Variants in PTPRZ1 observed in about 807,000 individuals in gnomAD.
PTPRZ1 encodes the protein receptor-type tyrosine-protein phosphatase zeta.
In PTPRZ1, 82 loss-of-function variants were observed where a neutral mutation model predicts 214.1. The observed-to-expected ratio is 0.38, with a 90% CI of 0.32 to 0.46. PTPRZ1 has a LOEUF of 0.46. Among genes scored for constraint, PTPRZ1 ranks in the 20% least tolerant of loss-of-function variants. PTPRZ1 has a pLI of 1.00. For missense variants in PTPRZ1, 2,603 were observed against 2,748.7 expected (o/e 0.95, Z 1.19); for synonymous variants, 945 against 987.9 (o/e 0.96, Z 0.81).
chr7:121,899,970 A>G lies in PTPRZ1; in HGVS notation c.58+26413A>G, dbSNP rs553044330. Reference sequence around the variant, plus strand: ...CCTGCAAAGCTATTGGAATGGACACAGATCAGTTTTCTGAAGAAAATTCTG... The same window carrying G: ...CCTGCAAAGCTATTGGAATGGACACGGATCAGTTTTCTGAAGAAAATTCTG... On this transcript the variant is annotated intron_variant, in intron 1 of 29. Coordinates refer to ENST00000393386, the MANE Select transcript of PTPRZ1 (RefSeq NM_002851.3). Among the ~76,000 whole-genome samples, 25 of 152,324 alleles carry G rather than the reference A, an allele frequency of 1.6e-4. No homozygotes were observed. The East Asian group carries it at 4.4e-3, about 27-fold the overall frequency.
intron 1 of PTPRZ1, among the ~76,000 whole-genome samples, chr7:121,891,834 T>A (rs1037378021): frequency 6.6e-6 from 1 of 151,970 alleles, no homozygotes; most frequent in Non-Finnish European, 1.5e-5. Context: ...ATGCCTTAAG[T>A]TTTTTTTCTG....
At chr7:122,009,123 T>G (rs1798571547) in intron 11 of PTPRZ1, among the ~76,000 whole-genome samples, 1 of 152,114 alleles carries the variant, frequency 6.6e-6, no homozygotes, top group Non-Finnish European at 1.5e-5. Context: ...TCAGATCAAG[T>G]GCACTAACTT....
At chr7:121,999,944 G>A (rs1020412688) in intron 10 of PTPRZ1, among the ~76,000 whole-genome samples, 9 of 151,998 alleles carry the variant, frequency 5.9e-5, no homozygotes, top group African/African-American at 9.7e-5. Flanking sequence ...ACTATTGAAC[G>A]TTGTAATAAT....
In PTPRZ1 at chr7:122,045,413, A is replaced by G. The variant is rs73440956; in HGVS notation, c.6084+845A>G. 3.9e-3 allele frequency among the ~76,000 whole-genome samples: 601 copies of G among 152,296 alleles called. 4 individuals are homozygous for G. The highest frequency in any genetic ancestry group is 0.014 in the African/African-American group (569 of 41,568). ...TCTCCTGCTTTGCTCCCCAGTCTACAGCATAGGATGTTAGCCACCATGAAT... is the reference window on the plus strand; with the variant it reads ...TCTCCTGCTTTGCTCCCCAGTCTACGGCATAGGATGTTAGCCACCATGAAT... On this transcript the variant is annotated intron_variant, in intron 23 of 29. Coordinates refer to ENST00000393386, the MANE Select transcript of PTPRZ1 (RefSeq NM_002851.3).
chr7:121,926,068 G>T (rs1022787309), intron 1 of PTPRZ1, among the ~76,000 whole-genome samples: 6 of 152,132 alleles, frequency 3.9e-5, no homozygotes, highest in Non-Finnish European at 8.8e-5. Context: ...ACTTTGGGAG[G>T]CCAAGGCGGG....
chr7:122,035,707 T>C (rs1799515769), intron 17 of PTPRZ1, among the ~76,000 whole-genome samples: 1 of 152,208 alleles, frequency 6.6e-6, no homozygotes, highest in South Asian at 2.1e-4. Context: ...GTGTGACCTG[T>C]TACCATCACA....
At chr7:121,935,028 T>C (rs1163608861) in intron 2 of PTPRZ1, among the ~76,000 whole-genome samples, 1 of 152,218 alleles carries the variant, frequency 6.6e-6, no homozygotes, top group East Asian at 1.9e-4. Context: ...TAGCTCAATT[T>C]AGTCATTCCA....
intron 6 of PTPRZ1, among the ~76,000 whole-genome samples, chr7:121,980,557 A>G (rs1202001669): frequency 6.6e-6 from 1 of 152,224 alleles, no homozygotes; most frequent in Non-Finnish European, 1.5e-5. Flanking sequence ...AACTACATGT[A>G]GGACATATTG....
At chr7:122,042,185 T>A (rs189578605) in intron 21 of PTPRZ1, among the ~76,000 whole-genome samples, 9 of 152,334 alleles carry the variant, frequency 5.9e-5, no homozygotes, top group Admixed American at 2.0e-4. Flanking sequence ...TACAAACATG[T>A]CTACCTGGAA....
intron 14 of PTPRZ1, among the ~76,000 whole-genome samples, chr7:122,029,943 T>C (rs1422403055): frequency 6.6e-6 from 1 of 151,892 alleles, no homozygotes; most frequent in African/African-American, 2.4e-5. Context: ...CATTGCCATA[T>C]TCAGAATTTT....
At position 122,012,229 on chromosome 7, in the gene PTPRZ1, G is replaced by A; in HGVS notation, c.3183G>A (p.Glu1061=). 1 of 1,613,952 alleles carries A rather than the reference G, an allele frequency of 6.2e-7. No homozygotes were observed. Among genetic ancestry groups the A allele is most frequent in the Non-Finnish European group, 8.5e-7 (1 of 1,179,836 alleles). Residue 1061 remains glutamate, a synonymous_variant, in exon 12 of 30, where the codon GAG becomes GAA. Transcript: ENST00000393386. The stretch of plus-strand genomic sequence containing the variant: ...AACTGCAAATTCCTTCTTTCAATGA[G>A]ATGGTTTACCCTTCTGAAAGCACAG... The part of the protein sequence containing the change: ...ETELQIPSFN[E]MVYPSESTVM...
At chr7:122,025,616 C>T (rs1799187908) in intron 13 of PTPRZ1, among the ~76,000 whole-genome samples, 1 of 152,104 alleles carries the variant, frequency 6.6e-6, no homozygotes, top group African/African-American at 2.4e-5. Context: ...CAGGCATGAG[C>T]CACCACGCCC....
At chr7:121,928,321 T>A (rs1428173068) in intron 2 of PTPRZ1, 100 bp downstream of exon 2, 1 of 743,274 alleles carries the variant, frequency 1.3e-6, no homozygotes, top group Non-Finnish European at 2.2e-6. Flanking sequence ...ACACATCATG[T>A]CAACTTAGCT....
Position 122,010,352 on chromosome 7 carries a change from G to A in PTPRZ1, c.1306G>A (p.Asp436Asn), listed in dbSNP as rs375331244. The A allele has an allele frequency of 1.7e-5, 27 of 1,606,170 alleles. No homozygotes were observed. Among genetic ancestry groups the A allele is most frequent in the Non-Finnish European group, 2.3e-5 (27 of 1,177,632 alleles). ...TTCAAAGGAGGAGGAAGAGGGAAAA[G>A]ACATTGAAGAAGGCGCTATTGTGAA... The part of the protein sequence containing the change: ...EIIKEEEEGK[D>N]IEEGAIVNPG... The change falls in exon 12 of 30, where the codon GAC becomes AAC. Residue 436 changes from aspartate to asparagine, a missense_variant. This residue lies in a region of PTPRZ1 where 1,913 missense variants were observed against 1,914.3 expected (regional missense o/e 1.00). Coordinates refer to ENST00000393386, the MANE Select transcript of PTPRZ1 (RefSeq NM_002851.3).
intron 1 of PTPRZ1, among the ~76,000 whole-genome samples, chr7:121,912,230 C>T (rs1316562399): frequency 1.3e-5 from 2 of 152,138 alleles, no homozygotes; most frequent in African/African-American, 2.4e-5. Context: ...CAAGGCAAAG[C>T]TTACATTTCA....
chr7:121,979,135 T>C (rs1797527833), intron 6 of PTPRZ1, among the ~76,000 whole-genome samples: 1 of 152,166 alleles, frequency 6.6e-6, no homozygotes, highest in South Asian at 2.1e-4. Flanking sequence ...TGCTGTGGGC[T>C]GGTTGCTCAT....
rs772172843 is a variant in PTPRZ1, at chr7:122,040,825, A to C, written c.5647A>C (p.Lys1883Gln). The C allele has an allele frequency of 6.4e-7, 1 of 1,562,508 alleles. No individual in the cohort carries two copies. Among genetic ancestry groups the C allele is most frequent in the Non-Finnish European group, 8.7e-7 (1 of 1,149,042 alleles). The part of the protein sequence containing the change: ...RNTKIKKGSQ[K>Q]GRPSGRVVTQ... The stretch of plus-strand genomic sequence containing the variant: ...GTCTGAACTTTTCCAGGGCTCCCAG[A>C]AAGGAAGACCCAGTGGACGTGTGGT... The change falls in exon 21 of 30, where the codon AAA (lysine) becomes CAA (glutamine). Residue 1883 changes from lysine (K) to glutamine (Q), a missense_variant. Physicochemically the swap from Lys to Gln is moderately conservative, Grantham distance 53 (BLOSUM62 1). Coordinates refer to ENST00000393386, the MANE Select transcript of PTPRZ1 (RefSeq NM_002851.3).
chr7:122,009,508 ATAAT>A (rs1798584817), intron 11 of PTPRZ1, among the ~76,000 whole-genome samples: 1 of 151,690 alleles, frequency 6.6e-6, no homozygotes, highest in Non-Finnish European at 1.5e-5. Flanking sequence ...TTCTAAGTAT[ATAAT>A]TAGATATAAT....
At chr7:121,922,526 G>C (rs1293212864) in intron 1 of PTPRZ1, among the ~76,000 whole-genome samples, 2 of 152,236 alleles carry the variant, frequency 1.3e-5, no homozygotes, top group East Asian at 3.9e-4. Flanking sequence ...AGTAAGCCAA[G>C]ATCATGCCAC....
Sources: gnomAD v4.1 joint callset for allele counts (sites outside exome capture counted in the v4.1 genomes callset) on GRCh38, gnomAD v4.1.1 for gene constraint, gnomAD v4.1.1 regional missense constraint, MANE v1.5 for transcripts, NCBI Gene and HGNC (gene_info 2026-07-23, HGNC 2026-07-21) for gene names.